PTPRT: variants seen among roughly 807,000 people sequenced by gnomAD.
The protein encoded by PTPRT is receptor-type tyrosine-protein phosphatase T.
PTPRT carries 56 observed loss-of-function variants against 176.8 expected under a neutral mutation model. The ratio of observed to expected loss-of-function variants is 0.32; its 90% CI spans 0.26 to 0.40. The LOEUF (loss-of-function observed/expected upper bound fraction) is 0.40, where lower values mean the gene tolerates loss of function less well. Among genes scored for constraint, PTPRT ranks in the 10% least tolerant of loss-of-function variants. PTPRT has a pLI of 1.00. For missense variants in PTPRT, 1,540 were observed against 1,908.2 expected (o/e 0.81, Z 3.60); for synonymous variants, 783 against 739.0 (o/e 1.06, Z -0.96).
chr20:42,157,695 A>G (rs1265569381), intron 17 of PTPRT, among the ~76,000 whole-genome samples: 1 of 152,016 alleles, frequency 6.6e-6, no homozygotes, highest in African/African-American at 2.4e-5. Flanking sequence ...TCATCAAGGG[A>G]TAGAGTCAAA....
At chr20:42,261,980 A>G (rs1370920084) in intron 13 of PTPRT, among the ~76,000 whole-genome samples, 1 of 152,196 alleles carries the variant, frequency 6.6e-6, no homozygotes, top group African/African-American at 2.4e-5. Flanking sequence ...ATCTATAGGA[A>G]GGATTAGTGG....
chr20:42,909,005 A>G (rs994520384), intron 1 of PTPRT, among the ~76,000 whole-genome samples: 1 of 152,134 alleles, frequency 6.6e-6, no homozygotes, highest in Non-Finnish European at 1.5e-5. Flanking sequence ...AAAATAAAAA[A>G]TTAGCTGGGA....
intron 1 of PTPRT, among the ~76,000 whole-genome samples, chr20:42,900,098 T>A (rs2079375804): frequency 6.6e-6 from 1 of 152,208 alleles, no homozygotes; most frequent in African/African-American, 2.4e-5. Flanking sequence ...GCCAGAGATA[T>A]TCCGCAAAGC....
intron 1 of PTPRT, among the ~76,000 whole-genome samples, chr20:42,890,199 G>A (rs1439587295): frequency 1.3e-5 from 2 of 152,154 alleles, no homozygotes; most frequent in South Asian, 2.1e-4. Flanking sequence ...GGGGCCCAAC[G>A]CAATGCAGTC....
intron 7 of PTPRT, among the ~76,000 whole-genome samples, chr20:42,592,242 T>C (rs1397891100): frequency 6.6e-6 from 1 of 152,054 alleles, no homozygotes; most frequent in African/African-American, 2.4e-5. Context: ...CCCAAAGTGC[T>C]GGGATTACAG....
At chr20:42,161,815 C>G (rs1247641303) in intron 16 of PTPRT, among the ~76,000 whole-genome samples, 3 of 152,188 alleles carry the variant, frequency 2.0e-5, no homozygotes, top group Non-Finnish European at 4.4e-5. Context: ...CCCCGTCTGT[C>G]TCAGTCCTTC....
At chr20:42,390,772 T>G (rs948537488) in intron 9 of PTPRT, among the ~76,000 whole-genome samples, 4 of 152,160 alleles carry the variant, frequency 2.6e-5, no homozygotes, top group Non-Finnish European at 5.9e-5. Flanking sequence ...ATAAGCTAAG[T>G]CACTCTAAGA....
intron 7 of PTPRT, among the ~76,000 whole-genome samples, chr20:42,531,530 T>G (rs2072384603): frequency 6.6e-6 from 1 of 152,218 alleles, no homozygotes; most frequent in South Asian, 2.1e-4. Context: ...ATTTAGCAAA[T>G]TCATACTGAA....
At chr20:42,156,407 G>T (rs527864306) in intron 17 of PTPRT, among the ~76,000 whole-genome samples, 1 of 152,194 alleles carries the variant, frequency 6.6e-6, no homozygotes, top group African/African-American at 2.4e-5. Flanking sequence ...CTAGGTCCTT[G>T]TCTCTGTCTA....
chr20:42,369,888 G>A (rs868187319), intron 9 of PTPRT, among the ~76,000 whole-genome samples: 4 of 152,198 alleles, frequency 2.6e-5, no homozygotes, highest in South Asian at 2.1e-4. Context: ...TTTTTAGAAA[G>A]TATATTTCCC....
intron 7 of PTPRT, among the ~76,000 whole-genome samples, chr20:42,580,365 T>A (rs1301913958): frequency 6.6e-6 from 1 of 151,962 alleles, no homozygotes; most frequent in African/African-American, 2.4e-5. Context: ...TCTTTTGGCT[T>A]AGGATTGACT....
intron 7 of PTPRT, among the ~76,000 whole-genome samples, chr20:42,487,665 G>A (rs1023083156): frequency 3.9e-5 from 6 of 152,118 alleles, no homozygotes; most frequent in African/African-American, 1.2e-4. Flanking sequence ...GCATAGAAGT[G>A]GCCTCTAGAA....
intron 7 of PTPRT, among the ~76,000 whole-genome samples, chr20:42,612,120 C>T (rs2073985487): frequency 6.6e-6 from 1 of 152,114 alleles, no homozygotes. Flanking sequence ...TTCCCCACCA[C>T]ACAGGAAGAC....
the PTPRT span, among the ~76,000 whole-genome samples, chr20:42,037,955 G>A: frequency 6.6e-6 from 1 of 152,094 alleles, no homozygotes; most frequent in African/African-American, 2.4e-5. Flanking sequence ...GCAATAGCAG[G>A]TAACATTTAT....
chr20:43,136,802 C>G (rs79354583), intron 1 of PTPRT, among the ~76,000 whole-genome samples: 3 of 152,202 alleles, frequency 2.0e-5, no homozygotes, highest in African/African-American at 7.2e-5. Context: ...CATGAGGCAG[C>G]ATATGTAAAG....
intron 2 of PTPRT, among the ~76,000 whole-genome samples, chr20:42,853,063 A>G (rs765225087): frequency 1.2e-4 from 18 of 152,198 alleles, no homozygotes; most frequent in Admixed American, 2.6e-4. Context: ...ATTTCAGGAT[A>G]AGAGCAAAGA....
In PTPRT at chr20:42,870,197, A is replaced by G. The variant is rs530870099; in HGVS notation, c.214+15610T>C. ...CCCAGCCCCTGGCAACCATCATTCT[A>G]TTTTTTTATTTCTGTAAGTTTGACT... On this transcript the variant is annotated intron_variant, in intron 2 of 30. Coordinates refer to ENST00000373187, the MANE Select transcript of PTPRT (RefSeq NM_007050.6). Among the ~76,000 whole-genome samples the G allele has an allele frequency of 2.6e-5, 4 of 152,080 alleles. No individual in the cohort carries two copies. In the East Asian group the frequency reaches 7.7e-4, roughly 29 times the overall value.
intron 2 of PTPRT, among the ~76,000 whole-genome samples, chr20:42,868,690 T>C (rs982036145): frequency 6.6e-6 from 1 of 152,176 alleles, no homozygotes; most frequent in Non-Finnish European, 1.5e-5. Flanking sequence ...GGGTTATTAG[T>C]ATGGGTGTAA....
At chr20:42,803,108 A>T (rs966876452) in intron 2 of PTPRT, among the ~76,000 whole-genome samples, 1 of 152,252 alleles carries the variant, frequency 6.6e-6, no homozygotes, top group African/African-American at 2.4e-5. Flanking sequence ...GGCAGGTCCC[A>T]GTCTCACTGT....
Sources: gnomAD v4.1 joint callset for allele counts (sites outside exome capture counted in the v4.1 genomes callset) on GRCh38, gnomAD v4.1.1 for gene constraint, MANE v1.5 for transcripts, NCBI Gene and HGNC (gene_info 2026-07-23, HGNC 2026-07-21) for gene names.